Variants in PI16 observed in about 807,000 individuals in gnomAD.
PI16 encodes the protein peptidase inhibitor 16.
Under a neutral mutation model 38.0 loss-of-function variants are expected in PI16, and 35 were observed. The observed-to-expected ratio is 0.92, with a 90% CI of 0.70 to 1.22. The LOEUF is 1.22. PI16 is among the 50% of genes most tolerant of loss of function. PI16 has a pLI of 0.00. For synonymous variants in PI16, 275 were observed against 252.9 expected, an observed-to-expected ratio of 1.09 and a Z score of -0.83; for missense variants, 572 against 593.8, an observed-to-expected ratio of 0.96 and a Z score of 0.38.
intron 1 of PI16, among the ~76,000 whole-genome samples, 178 bp from the exon 2 acceptor site, chr6:36,958,967 G>A (rs1307314122): frequency 6.6e-6 from 1 of 152,158 alleles, no homozygotes; most frequent in East Asian, 1.9e-4. Flanking sequence ...GCCTGGGGTG[G>A]CATCCTTCAC....
At chr6:36,950,160 C>T (rs146369837), upstream of PI16, among the ~76,000 whole-genome samples, 333 of 152,294 alleles carry the variant, frequency 2.2e-3, 1 homozygote, top group Middle Eastern at 0.01. This position sits in a 1 kb window ranked among gnomAD's most constrained non-coding sequence, Gnocchi z 4.2. Context: ...CTTCCCAAAC[C>T]AAACCTCTAC....
chr6:36,957,184 T>A (rs889162414), intron 1 of PI16, among the ~76,000 whole-genome samples: 1 of 152,198 alleles, frequency 6.6e-6, no homozygotes, highest in Non-Finnish European at 1.5e-5. Flanking sequence ...GAAGGTTCTG[T>A]GTGTTCTGGC....
Position 36,959,345 on chromosome 6 carries a change from G to C in PI16, c.372G>C (p.Gln124His). Residue 124 changes from glutamine (Q) to histidine (H), a missense_variant, in exon 2 of 7, where the codon CAG becomes CAC. Physicochemically the swap from Gln to His is conservative, Grantham distance 24 (BLOSUM62 0). Transcript: ENST00000373674. Reference sequence around the variant, plus strand: ...GCGCCGCCACCTGCAGCCCAGGCCAGATGTGCGGCCACTACACGCAGGTGT... The same window carrying C: ...GCGCCGCCACCTGCAGCCCAGGCCACATGTGCGGCCACTACACGCAGGTGT... ...NLSAATCSPG[Q>H]MCGHYTQVVW... The C allele has an allele frequency of 6.4e-7, 1 of 1,562,516 alleles. No homozygotes were observed. The highest frequency in any genetic ancestry group is 1.2e-5 in the South Asian group (1 of 84,988).
At chr6:36,950,607 G>A (rs62406518), upstream of PI16, among the ~76,000 whole-genome samples, 16,177 of 151,254 alleles carry the variant, frequency 0.11, 1,077 homozygotes, top group Middle Eastern at 0.2. The surrounding 1 kb of genome is among the most constrained non-coding windows in gnomAD (Gnocchi z 4.2). Flanking sequence ...GCAATGGCAC[G>A]ATCTCGGCTC....
chr6:36,963,816 C>T lies in PI16; in HGVS notation c.1271-7C>T, dbSNP rs968286582. ...TAGGCTGAGGCAAAGCCTCTTTCTT[C>T]CCACAGGTGCAGAGGGCCCTGACAA... On this transcript the variant is annotated splice_polypyrimidine_tract_variant and splice_region_variant and intron_variant, in intron 5 of 6. Coordinates refer to ENST00000373674, the MANE Select transcript of PI16 (RefSeq NM_153370.3). The T allele has an allele frequency of 2.5e-5, 39 of 1,577,642 alleles. No individual in the cohort carries two copies. The highest frequency in any genetic ancestry group is 3.2e-5 in the Non-Finnish European group (37 of 1,165,196).
Position 36,963,260 on chromosome 6 carries a change from C to G in PI16, c.918C>G (p.Thr306=). 1 of 1,614,246 alleles carries G rather than the reference C, an allele frequency of 6.2e-7. No individual in the cohort carries two copies. The highest frequency in any genetic ancestry group is 8.5e-7 in the Non-Finnish European group (1 of 1,180,040). ...CCTCCTTGGATGAGGAGCCAGTTAC[C>G]TTCCCCAAATCGACCCATGTTCCTA... ...SLPSLDEEPV[T]FPKSTHVPIP... is the part of the protein sequence containing the mutation. Residue 306 remains threonine, a synonymous_variant, in exon 5 of 7, where the codon ACC becomes ACG. Transcript: ENST00000373674.
intron 2 of PI16, 107 bp from the exon 3 acceptor site, chr6:36,961,344 A>C: frequency 1.1e-6 from 1 of 903,428 alleles, no homozygotes. Context: ...GTCACAGGCT[A>C]TAGGGTGCCT....
At chr6:36,959,503 C>A (rs1380519372) in intron 2 of PI16, 137 bp downstream of exon 2, 2 of 825,382 alleles carry the variant, frequency 2.4e-6, no homozygotes, top group African/African-American at 3.5e-5. Flanking sequence ...ACTCCAAGCC[C>A]CCTCAGACAC....
At chr6:36,964,300 C>G (rs1485348037) in intron 6 of PI16, 86 bp from the exon 7 acceptor site, 1 of 198,776 alleles carries the variant, frequency 5.0e-6, no homozygotes, top group African/African-American at 2.4e-5. Flanking sequence ...TCCCAGGAAC[C>G]CCCGGGCCCC....
intron 1 of PI16, among the ~76,000 whole-genome samples, chr6:36,958,472 G>C (rs1050366968): frequency 1.3e-5 from 2 of 152,182 alleles, no homozygotes; most frequent in African/African-American, 4.8e-5. Flanking sequence ...GGTTACCAAG[G>C]CTCTGAAAGT....
chr6:36,964,035 T>G, intron 6 of PI16, 73 bp downstream of exon 6: 1 of 1,506,242 alleles, frequency 6.6e-7, no homozygotes, highest in South Asian at 1.3e-5. Context: ...AGACCACAGC[T>G]TCCTGGGCAG....
Position 36,963,048 on chromosome 6 carries a change from C to G in PI16, c.706C>G (p.Leu236Val). ...DSRKMGTPSS[L>V]ATGIPAFLVT... ...TAGGAAAATGGGTACTCCTTCTTCC[C>G]TAGCAACGGGGATTCCGGCTTTCTT... Residue 236 changes from leucine to valine, a missense_variant, in exon 5 of 7, where the codon CTA becomes GTA. Physicochemically the swap from Leu to Val is conservative, Grantham distance 32. Transcript: ENST00000373674. 5 of 1,614,240 alleles carry G rather than the reference C, an allele frequency of 3.1e-6. No individual in the cohort carries two copies. Among genetic ancestry groups the G allele is most frequent in the South Asian group, 2.2e-5 (2 of 91,086 alleles).
upstream of PI16, among the ~76,000 whole-genome samples, chr6:36,950,256 C>T (rs912178364): frequency 6.6e-5 from 10 of 152,174 alleles, no homozygotes; most frequent in African/African-American, 1.9e-4. The surrounding 1 kb of genome is among the most constrained non-coding windows in gnomAD (Gnocchi z 4.2). Context: ...AATTTGCCTA[C>T]TCTAGCTAGG....
upstream of PI16, among the ~76,000 whole-genome samples, chr6:36,951,192 AT>A (rs1367085018): frequency 6.6e-6 from 1 of 152,240 alleles, no homozygotes; most frequent in African/African-American, 2.4e-5. Context: ...GAATAATTGC[AT>A]GAATAATTGC....
upstream of PI16, among the ~76,000 whole-genome samples, chr6:36,953,391 T>C (rs535073407): frequency 6.6e-6 from 1 of 152,294 alleles, no homozygotes; most frequent in African/African-American, 2.4e-5. Context: ...TCTTTTTCAT[T>C]GCTTTTATAA....
At chr6:36,952,828 T>C (rs1235666509), upstream of PI16, among the ~76,000 whole-genome samples, 1 of 152,242 alleles carries the variant, frequency 6.6e-6, no homozygotes, top group Non-Finnish European at 1.5e-5. Context: ...TCTGTTTCTA[T>C]AAAAATATTA....
chr6:36,948,801 GT>G (rs1763055962), intron 1 of PI16, among the ~76,000 whole-genome samples: 1 of 54,158 alleles, frequency 1.8e-5, no homozygotes, highest in East Asian at 5.3e-4. Context: ...TTTTGTTTTT[GT>G]TTTTGTTTTT....
intron 2 of PI16, among the ~76,000 whole-genome samples, chr6:36,961,238 T>C (rs560805617): frequency 6.6e-6 from 1 of 152,270 alleles, no homozygotes; most frequent in South Asian, 2.1e-4. Context: ...GTATGTGTGG[T>C]TGGCAGAGGA....
rs1475487370 is a variant in PI16, at chr6:36,954,824, A to G, written c.64A>G (p.Thr22Ala). ...LPLLLLLVAT[T>A]GPVGALTDEE... ...GCTACTGCTACTGCTGGTGGCCACC[A>G]CAGGCCCCGTTGGAGCCCTCACAGA... Residue 22 changes from threonine (T) to alanine (A), a missense_variant, in exon 1 of 7, where the codon ACA becomes GCA. Coordinates refer to ENST00000373674, the MANE Select transcript of PI16 (RefSeq NM_153370.3). 1.9e-6 allele frequency: 3 copies of G among 1,614,014 alleles called. No individual in the cohort carries two copies. Among genetic ancestry groups the G allele is most frequent in the Non-Finnish European group, 2.5e-6 (3 of 1,180,038 alleles).
Sources: gnomAD v4.1 joint callset for allele counts (sites outside exome capture counted in the v4.1 genomes callset) on GRCh38, gnomAD v4.1.1 for gene constraint, Gnocchi (gnomAD v3.1) non-coding constraint, MANE v1.5 for transcripts, NCBI Gene and HGNC (gene_info 2026-07-23, HGNC 2026-07-21) for gene names.